Variants in SDC2 observed in about 807,000 individuals in gnomAD.
SDC2 encodes the protein syndecan 2.
SDC2 carries 13 observed loss-of-function variants against 22.2 expected under a neutral mutation model. That is an observed-to-expected ratio of 0.59 (90% CI 0.38 to 0.93). The LOEUF is 0.93. SDC2 is among the 40% of genes least tolerant of loss of function. The pLI is 0.00. For synonymous variants in SDC2, 94 were observed against 92.8 expected (o/e 1.01, Z -0.07); for missense variants, 235 against 246.8 (o/e 0.95, Z 0.32).
At chr8:96,573,631 A>G (rs1331777405) in intron 1 of SDC2, among the ~76,000 whole-genome samples, 2 of 152,016 alleles carry the variant, frequency 1.3e-5, no homozygotes, top group Non-Finnish European at 2.9e-5. Context: ...GATTTTACTT[A>G]CTTTAATACC....
rs1015789191 is a variant in SDC2 at position 96,608,444 on chromosome 8, T to C, written c.416T>C (p.Leu139Pro). Residue 139 changes from leucine (L) to proline (P), a missense_variant, in exon 4 of 5, where the codon CTG becomes CCG. Physicochemically the swap from Leu to Pro is moderately conservative, Grantham distance 98. Transcript: ENST00000302190. ...TATACTGAGAAACACTCAGACAGTC[T>C]GTTTAAACGGACAGAAGTCCTAGCA... ...NVYTEKHSDS[L>P]FKRTEVLAAV... 3 of 1,613,074 alleles carry C rather than the reference T, an allele frequency of 1.9e-6. No individual in the cohort carries two copies. The African/African-American group carries it at 4.0e-5, about 22-fold the overall frequency.
At chr8:96,584,287 G>A (rs1340808329) in intron 1 of SDC2, among the ~76,000 whole-genome samples, 2 of 152,164 alleles carry the variant, frequency 1.3e-5, no homozygotes, top group Non-Finnish European at 2.9e-5. Context: ...CTGCCCTTTG[G>A]CCCCAAGGTC....
intron 1 of SDC2, among the ~76,000 whole-genome samples, chr8:96,560,409 T>C (rs1198814859): frequency 6.6e-6 from 1 of 152,206 alleles, no homozygotes; most frequent in Non-Finnish European, 1.5e-5. Context: ...TGTGAAAGTG[T>C]ATTAAGTGCT....
At chr8:96,517,673 C>A (rs1028718310) in intron 1 of SDC2, among the ~76,000 whole-genome samples, 5 of 151,992 alleles carry the variant, frequency 3.3e-5, no homozygotes, top group Admixed American at 2.0e-4. Context: ...ACTCTCAATT[C>A]TGTTCCTTTT....
At chr8:96,511,812 A>G (rs894146661) in intron 1 of SDC2, among the ~76,000 whole-genome samples, 4 of 149,166 alleles carry the variant, frequency 2.7e-5, no homozygotes, top group Non-Finnish European at 4.4e-5. Context: ...TTTTTTAATC[A>G]GCCTCAAGGC....
intron 1 of SDC2, among the ~76,000 whole-genome samples, chr8:96,525,237 ACT>A (rs1367741765): frequency 2.6e-5 from 4 of 152,148 alleles, no homozygotes; most frequent in Non-Finnish European, 4.4e-5. Context: ...AGGAACTGGC[ACT>A]GTCTTGATCC....
intron 1 of SDC2, chr8:96,538,819 G>C (rs1813797713): frequency 6.8e-6 from 1 of 146,586 alleles, no homozygotes; most frequent in African/African-American, 2.5e-5. Context: ...CAGCTGGCTG[G>C]GTCTGGGCTG....
Position 96,593,603 on chromosome 8 carries a change from G to T in SDC2, c.172+12G>T, listed in dbSNP as rs753422501. 7 of 1,529,654 alleles carry T rather than the reference G, an allele frequency of 4.6e-6. No individual in the cohort carries two copies. Among genetic ancestry groups the T allele is most frequent in the Non-Finnish European group, 6.3e-6 (7 of 1,103,714 alleles). The allele number at this position is 1,529,654 out of a possible 1,614,324, so 94.8% of individuals were successfully genotyped here. ...TGCGTCTGGCTCGGGTAAGGTGGCT[G>T]CTTCTAAACACTGGACCTCATTCTC... On this transcript the variant is annotated intron_variant, in intron 2 of 4. Transcript: ENST00000302190.
rs1168164419 is a variant in SDC2 at position 96,611,284 on chromosome 8, A to G, written c.*1736A>G. ...ATTTCCTTTTTCTATTTTACCACTAATTTTGTTTTAAACTGTGAGCCGTCC... is the reference window on the plus strand; with the variant it reads ...ATTTCCTTTTTCTATTTTACCACTAGTTTTGTTTTAAACTGTGAGCCGTCC... On this transcript the variant is annotated 3_prime_UTR_variant, in exon 5 of 5. Coordinates refer to ENST00000302190, the MANE Select transcript of SDC2 (RefSeq NM_002998.4). The G allele has an allele frequency of 6.6e-6, 1 of 152,304 alleles. No individual in the cohort carries two copies. The highest frequency in any genetic ancestry group is 6.6e-5 in the Admixed American group (1 of 15,262). 9.4% of individuals were successfully genotyped at this position (152,304 alleles called of 1,614,324 possible). A position where few individuals can be genotyped will look rare whatever the true frequency, so the allele number is the denominator to read the frequency against.
chr8:96,580,658 C>A (rs1191971832), intron 1 of SDC2: 1 of 337,766 alleles, frequency 3.0e-6, no homozygotes, highest in Non-Finnish European at 4.2e-6. Context: ...AAGCAAGAGA[C>A]CATTAATGTG....
At chr8:96,505,123 G>C (rs753984563) in intron 1 of SDC2, among the ~76,000 whole-genome samples, 4 of 152,012 alleles carry the variant, frequency 2.6e-5, no homozygotes, top group Non-Finnish European at 5.9e-5. Context: ...TTTTAGTCAC[G>C]CAAGTTATGA....
chr8:96,543,415 T>G (rs1813883676), intron 1 of SDC2, among the ~76,000 whole-genome samples: 1 of 152,212 alleles, frequency 6.6e-6, no homozygotes, highest in Non-Finnish European at 1.5e-5. Flanking sequence ...AAAGCCACAT[T>G]GGTAATGAAG....
At chr8:96,574,407 T>C (rs777041156) in intron 1 of SDC2, among the ~76,000 whole-genome samples, 15 of 152,238 alleles carry the variant, frequency 9.9e-5, no homozygotes, top group Non-Finnish European at 2.1e-4. Flanking sequence ...AATTCAAATA[T>C]ATGCCAGCAG....
chr8:96,596,351 A>G (rs1814876086), intron 2 of SDC2, among the ~76,000 whole-genome samples: 1 of 152,214 alleles, frequency 6.6e-6, no homozygotes, highest in Non-Finnish European at 1.5e-5. Context: ...TCATCCAGCT[A>G]TCCAGTAGAA....
At chr8:96,584,556 C>T (rs1438326724) in intron 1 of SDC2, among the ~76,000 whole-genome samples, 5 of 152,170 alleles carry the variant, frequency 3.3e-5, no homozygotes, top group Admixed American at 2.0e-4. Flanking sequence ...TGCCAAACTC[C>T]GCCAGGAAAC....
chr8:96,537,976 G>GTTTT (rs1813781362), intron 1 of SDC2, among the ~76,000 whole-genome samples: 1 of 151,870 alleles, frequency 6.6e-6, no homozygotes, highest in Non-Finnish European at 1.5e-5. Context: ...TTGTTTGTTT[G>GTTTT]TTTTTGAGAC....
At chr8:96,570,157 G>A (rs933788908) in intron 1 of SDC2, among the ~76,000 whole-genome samples, 2 of 152,160 alleles carry the variant, frequency 1.3e-5, no homozygotes, top group African/African-American at 4.8e-5. Context: ...TGAGCCTGAG[G>A]TGCAGAGAGA....
intron 3 of SDC2, among the ~76,000 whole-genome samples, chr8:96,603,282 TGAA>T (rs1815023909): frequency 6.6e-6 from 1 of 152,182 alleles, no homozygotes; most frequent in Non-Finnish European, 1.5e-5. Flanking sequence ...CTATGGGCCT[TGAA>T]GAAGATGAAA....
chr8:96,578,226 A>T (rs892224814), intron 1 of SDC2, among the ~76,000 whole-genome samples: 3 of 152,216 alleles, frequency 2.0e-5, no homozygotes, highest in African/African-American at 7.2e-5. Context: ...CAGGCTTCCA[A>T]CAGCAGTTTC....
Sources: allele counts gnomAD v4.1 joint callset (sites outside exome capture counted in the v4.1 genomes callset), GRCh38; gene constraint gnomAD v4.1.1; transcripts MANE v1.5; gene names NCBI Gene and HGNC (gene_info 2026-07-23, HGNC 2026-07-21).